The following MRPL1 variants were observed in gnomAD, a reference collection of about 807,000 sequenced individuals.
MRPL1 encodes the protein mitochondrial ribosomal protein L1.
In MRPL1, 28 loss-of-function variants were observed where a neutral mutation model predicts 38.0. The ratio of observed to expected loss-of-function variants is 0.74; its 90% CI spans 0.55 to 1.01. The LOEUF (loss-of-function observed/expected upper bound fraction) is 1.01. Among genes scored for constraint, MRPL1 ranks in the 50% least tolerant of loss-of-function variants. The probability of loss-of-function intolerance (pLI) is 0.00; values close to 1 mark genes in which losing one functional copy is unlikely to be tolerated. For synonymous variants in MRPL1, 123 were observed against 126.7 expected (o/e 0.97, Z 0.20); for missense variants, 358 against 389.8 (o/e 0.92, Z 0.69).
chr4:77,864,413 A>G (rs1282033402), intron 1 of MRPL1: 2 of 149,432 alleles, frequency 1.3e-5, no homozygotes. Flanking sequence ...ATCTAAATTC[A>G]CTCCTTGGTT....
intron 5 of MRPL1, among the ~76,000 whole-genome samples, chr4:77,891,349 G>GTTTTTTTTT (rs797018478): frequency 4.0e-5 from 5 of 125,136 alleles, no homozygotes; most frequent in Non-Finnish European, 7.0e-5. Flanking sequence ...AGTTTTTTTT[G>GTTTTTTTTT]TTTTTTTTTT....
intron 1 of MRPL1, among the ~76,000 whole-genome samples, chr4:77,868,175 G>A (rs1489001583): frequency 6.6e-6 from 1 of 151,684 alleles, no homozygotes; most frequent in East Asian, 1.9e-4. Context: ...TGATTTTCCT[G>A]CTTCAGCCTC....
chr4:77,893,086 G>T (rs1038354420), intron 5 of MRPL1, among the ~76,000 whole-genome samples: 1 of 152,090 alleles, frequency 6.6e-6, no homozygotes, highest in Non-Finnish European at 1.5e-5. Context: ...TTAATTCACC[G>T]TGTACCCCTA....
chr4:77,909,962 A>C (rs1736246849), intron 7 of MRPL1, among the ~76,000 whole-genome samples: 1 of 152,200 alleles, frequency 6.6e-6, no homozygotes, highest in South Asian at 2.1e-4. Flanking sequence ...TATACTAAAG[A>C]ATCTCTAAAG....
intron 7 of MRPL1, among the ~76,000 whole-genome samples, chr4:77,911,746 C>T (rs1236792270): frequency 6.6e-6 from 1 of 152,100 alleles, no homozygotes. Flanking sequence ...CTAATTTATC[C>T]TCCTACCTAA....
At chr4:77,936,502 C>G (rs989177058) in intron 7 of MRPL1, among the ~76,000 whole-genome samples, 1 of 152,204 alleles carries the variant, frequency 6.6e-6, no homozygotes, top group South Asian at 2.1e-4. Context: ...ATCCTTCAGT[C>G]TGTCTTCTGT....
chr4:77,862,961 T>C (rs773156246), intron 1 of MRPL1, 82 bp downstream of exon 1: 3 of 1,555,638 alleles, frequency 1.9e-6, no homozygotes, highest in Non-Finnish European at 2.7e-6. Flanking sequence ...CGGATTCTGC[T>C]CTGGGTGCTG....
chr4:77,906,194 A>G (rs1464389192), intron 6 of MRPL1, among the ~76,000 whole-genome samples: 1 of 152,202 alleles, frequency 6.6e-6, no homozygotes, highest in Non-Finnish European at 1.5e-5. Context: ...AGTGAGAATC[A>G]TGTTTCAGAG....
intron 5 of MRPL1, among the ~76,000 whole-genome samples, chr4:77,889,911 C>A (rs1431112839): frequency 6.6e-6 from 1 of 151,944 alleles, no homozygotes; most frequent in African/African-American, 2.4e-5. Context: ...ACATATACAC[C>A]CTCCCAAGAC....
At chr4:77,871,452 G>A (rs10027634) in intron 1 of MRPL1, among the ~76,000 whole-genome samples, 78,628 of 151,582 alleles carry the variant, frequency 0.52, 20,844 homozygotes, top group Admixed American at 0.57. Flanking sequence ...CTACAGGTTC[G>A]TGCCACCATG....
chr4:77,887,101 A>G (rs1249890472), intron 4 of MRPL1, 119 bp from the exon 5 acceptor site: 1 of 857,768 alleles, frequency 1.2e-6, no homozygotes, highest in Non-Finnish European at 1.9e-6. Flanking sequence ...ATTTTCAATT[A>G]AAAATAAAAG....
chr4:77,894,409 G>A (rs1454467256), intron 6 of MRPL1, among the ~76,000 whole-genome samples, 159 bp downstream of exon 6: 6 of 151,774 alleles, frequency 4.0e-5, no homozygotes, highest in South Asian at 2.1e-4. Context: ...TTTTTCCCCC[G>A]CTTTGGCATT....
intron 1 of MRPL1, among the ~76,000 whole-genome samples, chr4:77,866,312 A>G (rs769854896): frequency 2.2e-4 from 34 of 152,332 alleles, no homozygotes; most frequent in South Asian, 6.2e-4. Context: ...TCAGCATCCC[A>G]TACTGCTGGG....
chr4:77,929,780 A>AAT (rs397756431), intron 7 of MRPL1, among the ~76,000 whole-genome samples: 4 of 151,854 alleles, frequency 2.6e-5, no homozygotes, highest in African/African-American at 9.7e-5. Context: ...AAAAAAAAAA[A>AAT]TAGAAGAATA....
chr4:77,918,659 ATTAAAAG>A (rs1736483833), intron 7 of MRPL1, among the ~76,000 whole-genome samples: 2 of 152,074 alleles, frequency 1.3e-5, no homozygotes, highest in Admixed American at 1.3e-4. Flanking sequence ...GCTAAACTTT[ATTAAAAG>A]AAGAGGGGAG....
At chr4:77,941,701 G>C (rs1737135218) in intron 7 of MRPL1, among the ~76,000 whole-genome samples, 2 of 151,798 alleles carry the variant, frequency 1.3e-5, no homozygotes, top group African/African-American at 4.8e-5. Flanking sequence ...GTATTTCTGT[G>C]GTATCAGTTT....
At chr4:77,885,029 A>C (rs1301186171) in intron 3 of MRPL1, among the ~76,000 whole-genome samples, 2 of 152,222 alleles carry the variant, frequency 1.3e-5, no homozygotes, top group Non-Finnish European at 2.9e-5. Context: ...AAAAAAATAT[A>C]ATCTTGAAAA....
chr4:77,919,306 A>T (rs1385245330), intron 7 of MRPL1, among the ~76,000 whole-genome samples: 1 of 152,078 alleles, frequency 6.6e-6, no homozygotes, highest in Admixed American at 6.6e-5. Flanking sequence ...GCTTCTCCAG[A>T]ACACTTCTAA....
chr4:77,932,192 G>A (rs1037093108), intron 7 of MRPL1, among the ~76,000 whole-genome samples: 1 of 152,226 alleles, frequency 6.6e-6, no homozygotes, highest in African/African-American at 2.4e-5. Context: ...TAAAGGGGCT[G>A]CATTCAAAGT....
Sources: gnomAD v4.1 joint callset for allele counts (sites outside exome capture counted in the v4.1 genomes callset) on GRCh38, gnomAD v4.1.1 for gene constraint, MANE v1.5 for transcripts, NCBI Gene and HGNC (gene_info 2026-07-23, HGNC 2026-07-21) for gene names.